The following PIEZO2 variants were observed in gnomAD, a reference collection of about 807,000 sequenced individuals.
PIEZO2 encodes the protein piezo type mechanosensitive ion channel component 2.
A neutral mutation model predicts 337.3 loss-of-function variants in PIEZO2; 172 were observed. That is an observed-to-expected ratio of 0.51 (90% confidence interval 0.45 to 0.58). The LOEUF (loss-of-function observed/expected upper bound fraction) is 0.58, where lower values mean the gene tolerates loss of function less well. Ranked by LOEUF, PIEZO2 falls within the 20% of genes least tolerant of loss-of-function variation. The pLI, the probability that PIEZO2 is intolerant of heterozygous loss-of-function variation, is 0.00. For synonymous variants in PIEZO2, 1,251 were observed against 1,228.5 expected (o/e 1.02, Z -0.38); for missense variants, 3,028 against 3,391.3 (o/e 0.89, Z 2.66).
chr18:10,862,969 CA>C lies in PIEZO2; in HGVS notation c.493-5759del, dbSNP rs2041915242. ...TTCAGTCGAGCTTTGGACCTCAGAG[CA>C]GAGCTTTTCATGCAGCTGAATCCAT... On this transcript the variant is annotated intron_variant, in intron 5 of 55. Coordinates refer to ENST00000674853, the MANE Select transcript of PIEZO2 (RefSeq NM_001378183.1). The surrounding 1 kb of genome is among the most constrained non-coding windows in gnomAD (Gnocchi z 4.4). 6.6e-6 allele frequency among the ~76,000 whole-genome samples: 1 copy of C among 152,190 alleles called. No homozygotes were observed. Among genetic ancestry groups the C allele is most frequent in the South Asian group, 2.1e-4 (1 of 4,836 alleles).
chr18:10,840,305 T>C (rs1174821182), intron 7 of PIEZO2, among the ~76,000 whole-genome samples: 1 of 152,208 alleles, frequency 6.6e-6, no homozygotes, highest in East Asian at 1.9e-4. Context: ...CATAATTTAC[T>C]TTCATCGAGA....
Position 11,016,674 on chromosome 18 carries a change from C to T in PIEZO2, c.161-37014G>A, listed in dbSNP as rs2036125933. Among the ~76,000 whole-genome samples, 1 of 152,162 alleles carries T rather than the reference C, an allele frequency of 6.6e-6. No homozygotes were observed. Among genetic ancestry groups the T allele is most frequent in the African/African-American group, 2.4e-5 (1 of 41,436 alleles). ...AAACCAAAAATGCACAAAACAGGTACATGGTGTTGAAGAAATCATGTTTCA... is the reference window on the plus strand; with the variant it reads ...AAACCAAAAATGCACAAAACAGGTATATGGTGTTGAAGAAATCATGTTTCA... On this transcript the variant is annotated intron_variant, in intron 2 of 55. Coordinates refer to ENST00000674853, the MANE Select transcript of PIEZO2 (RefSeq NM_001378183.1). The surrounding 1 kb of genome is among the most constrained non-coding windows in gnomAD (Gnocchi z 5.6).
chr18:11,049,771 C>A (rs536591031), intron 2 of PIEZO2, among the ~76,000 whole-genome samples: 2 of 152,266 alleles, frequency 1.3e-5, no homozygotes, highest in Middle Eastern at 3.4e-3. Context: ...ACATGCCTTT[C>A]GCCTCCCACC....
intron 35 of PIEZO2, among the ~76,000 whole-genome samples, chr18:10,734,311 G>A (rs73387091): frequency 0.019 from 2,875 of 152,310 alleles, 88 homozygotes; most frequent in African/African-American, 0.063. Context: ...GGAACCTGGA[G>A]GTGTGGATGG....
Position 10,855,672 on chromosome 18 carries a change from T to C in PIEZO2, c.704-106A>G, listed in dbSNP as rs2041685165. ...TATGTGAATTTCCTTCAAGTGTTTT[T>C]AGGTTTTTTAAAATAGTAATTTTTA... On this transcript the variant is annotated intron_variant, in intron 6 of 55. Coordinates refer to ENST00000674853, the MANE Select transcript of PIEZO2 (RefSeq NM_001378183.1). This position sits in a 1 kb window ranked among gnomAD's most constrained non-coding sequence, Gnocchi z 4.9. 1 of 932,194 alleles carries C rather than the reference T, an allele frequency of 1.1e-6. No homozygotes were observed. 57.7% of individuals were successfully genotyped at this position (932,194 alleles called of 1,614,324 possible). A position where few individuals can be genotyped will look rare whatever the true frequency, so the allele number is the denominator to read the frequency against.
Position 10,784,815 on chromosome 18 carries a change from T to C in PIEZO2, c.2461A>G (p.Ile821Val). The change falls in exon 17 of 56, where the codon ATT (isoleucine) becomes GTT (valine). Residue 821 changes from isoleucine to valine, a missense_variant. By Grantham distance (29) the Ile-to-Val change is conservative (BLOSUM62 3). This residue lies in a region of PIEZO2 where 1,925 missense variants were observed against 2,051.9 expected (regional missense o/e 0.94). Coordinates refer to ENST00000674853, the MANE Select transcript of PIEZO2 (RefSeq NM_001378183.1). This position sits in a 1 kb window ranked among gnomAD's most constrained non-coding sequence, Gnocchi z 4.5. ...ATGGTGTTGTCTTCTTTGCTGGGAA[T>C]GGACTTGAGGTCTGTGAGTTCAAGG... ...RFLELTDLKS[I>V]PSKEDNTIYS... 1 of 1,537,348 alleles carries C rather than the reference T, an allele frequency of 6.5e-7. No homozygotes were observed. Among genetic ancestry groups the C allele is most frequent in the African/African-American group, 1.4e-5 (1 of 73,152 alleles).
intron 7 of PIEZO2, among the ~76,000 whole-genome samples, chr18:10,812,013 T>C (rs1251724777): frequency 1.3e-5 from 2 of 152,212 alleles, no homozygotes; most frequent in African/African-American, 2.4e-5. Flanking sequence ...TTTTGTATTT[T>C]TAGTAGAGAC....
At chr18:11,026,535 C>T (rs1598849115) in intron 2 of PIEZO2, among the ~76,000 whole-genome samples, 1 of 152,148 alleles carries the variant, frequency 6.6e-6, no homozygotes, top group Admixed American at 6.5e-5. Context: ...TAAAAGAAAA[C>T]GAAGCACCAG....
intron 4 of PIEZO2, among the ~76,000 whole-genome samples, chr18:10,909,656 A>C (rs2030283700): frequency 6.6e-6 from 1 of 152,182 alleles, no homozygotes; most frequent in Non-Finnish European, 1.5e-5. Flanking sequence ...TGTGGCAAAG[A>C]CTTATTGGAG....
Position 10,726,916 on chromosome 18 carries a change from C to T in PIEZO2, c.5029+4491G>A, listed in dbSNP as rs1775584559. On this transcript the variant is annotated intron_variant, in intron 36 of 55. Transcript: ENST00000674853. This position sits in a 1 kb window ranked among gnomAD's most constrained non-coding sequence, Gnocchi z 5.9. The stretch of plus-strand genomic sequence containing the variant: ...CACCAACCGGCTGGATGTGGCGGAG[C>T]TGGGTCGCCTGCTGCCCGACTGATG... 1.9e-6 allele frequency: 3 copies of T among 1,567,292 alleles called. 1 individual carries two copies. The South Asian group carries it at 3.6e-5, about 19-fold the overall frequency.
chr18:10,805,331 T>C (rs1364284668), intron 8 of PIEZO2, among the ~76,000 whole-genome samples: 3 of 152,126 alleles, frequency 2.0e-5, no homozygotes, highest in South Asian at 2.1e-4. Context: ...CTGGCCAACA[T>C]GGCGAAACCC....
At position 10,716,847 on chromosome 18, in the gene PIEZO2, AT is replaced by A. The variant is rs1469786230; in HGVS notation, c.5090-1032del. The stretch of plus-strand genomic sequence containing the variant: ...CGACATGTATTTTCTCATACCCACA[AT>A]TGTTTTCTTAGAAATGATGAAGGTG... On this transcript the variant is annotated intron_variant, in intron 37 of 55. Coordinates refer to ENST00000674853, the MANE Select transcript of PIEZO2 (RefSeq NM_001378183.1). The surrounding 1 kb of genome is among the most constrained non-coding windows in gnomAD (Gnocchi z 4.1). 1.3e-5 allele frequency among the ~76,000 whole-genome samples: 2 copies of A among 151,942 alleles called. No homozygotes were observed. The highest frequency in any genetic ancestry group is 4.8e-5 in the African/African-American group (2 of 41,254).
At position 10,847,656 on chromosome 18, in the gene PIEZO2, T is replaced by C. The variant is rs186392225; in HGVS notation, c.917+7697A>G. Among the ~76,000 whole-genome samples, 18 of 152,334 alleles carry C rather than the reference T, an allele frequency of 1.2e-4. No homozygotes were observed. The highest frequency in any genetic ancestry group is 3.4e-3 in the Middle Eastern group (1 of 294). On this transcript the variant is annotated intron_variant, in intron 7 of 55. Transcript: ENST00000674853. The surrounding 1 kb of genome is among the most constrained non-coding windows in gnomAD (Gnocchi z 5.7). ...ACTCAGAGTTCAAGTATTTAAGTTCTGTTGATTTTCCACTTATCTGTGTAA... is the reference window on the plus strand; with the variant it reads ...ACTCAGAGTTCAAGTATTTAAGTTCCGTTGATTTTCCACTTATCTGTGTAA...
chr18:10,698,792 C>T, intron 44 of PIEZO2, 133 bp downstream of exon 44: 3 of 1,227,098 alleles, frequency 2.4e-6, no homozygotes, highest in African/African-American at 1.5e-5. Flanking sequence ...TTTCAAAGCC[C>T]TTTCTTTTCA....
At chr18:10,907,232 C>T (rs2030023405) in intron 4 of PIEZO2, among the ~76,000 whole-genome samples, 1 of 152,014 alleles carries the variant, frequency 6.6e-6, no homozygotes, top group East Asian at 1.9e-4. Context: ...CACCTGAGGT[C>T]AAGAGTTCAA....
chr18:10,944,929 C>A (rs962781638), intron 3 of PIEZO2, among the ~76,000 whole-genome samples: 1 of 152,114 alleles, frequency 6.6e-6, no homozygotes, highest in African/African-American at 2.4e-5. Context: ...AGATTCTTGC[C>A]GTGAGATAAT....
intron 2 of PIEZO2, among the ~76,000 whole-genome samples, chr18:11,054,338 T>C (rs977162752): frequency 4.6e-5 from 7 of 152,248 alleles, no homozygotes; most frequent in Admixed American, 3.3e-4. Flanking sequence ...TATCCTAAGC[T>C]TCTGTCTCCA....
Position 10,941,959 on chromosome 18 carries a change from G to T in PIEZO2, c.287-30731C>A, listed in dbSNP as rs972611777. Among the ~76,000 whole-genome samples the T allele has an allele frequency of 6.6e-5, 10 of 152,100 alleles. No individual in the cohort carries two copies. The East Asian group carries it at 1.5e-3, about 24-fold the overall frequency. On this transcript the variant is annotated intron_variant, in intron 3 of 55. Transcript: ENST00000674853. ...GTGCTGTTCTCATGATAGTGAAGGG[G>T]TCTCACGAGATCTGATGGTTTTAAA...
At chr18:11,079,526 T>C (rs2038664078) in intron 1 of PIEZO2, among the ~76,000 whole-genome samples, 1 of 152,164 alleles carries the variant, frequency 6.6e-6, no homozygotes, top group Non-Finnish European at 1.5e-5. Context: ...ATTCCTCAAA[T>C]ATGTTTATCA....
Sources: allele counts gnomAD v4.1 joint callset (sites outside exome capture counted in the v4.1 genomes callset), GRCh38; gene constraint gnomAD v4.1.1; regional missense constraint gnomAD v4.1.1; non-coding constraint Gnocchi (gnomAD v3.1); transcripts MANE v1.5; gene names NCBI Gene and HGNC (gene_info 2026-07-23, HGNC 2026-07-21).